GRM5: variants seen among roughly 807,000 people sequenced by gnomAD.
GRM5 encodes glutamate metabotropic receptor 5, also known as metabotropic glutamate receptor 5.
GRM5 carries 19 observed loss-of-function variants against 83.1 expected under a neutral mutation model. The ratio of observed to expected loss-of-function variants is 0.23; its 90% confidence interval spans 0.16 to 0.34. The LOEUF is 0.34. Among genes scored for constraint, GRM5 ranks in the 10% least tolerant of loss-of-function variants. The pLI, the probability that GRM5 is intolerant of heterozygous loss-of-function variation, is 1.00. For synonymous variants in GRM5, 675 were observed against 633.6 expected (o/e 1.07, Z -0.98); for missense variants, 1,160 against 1,588.3 (o/e 0.73, Z 4.58).
chr11:88,688,000 T>C (rs1171922902), intron 3 of GRM5, among the ~76,000 whole-genome samples: 3 of 152,160 alleles, frequency 2.0e-5, no homozygotes, highest in Non-Finnish European at 4.4e-5. Context: ...TCTTTTGCTT[T>C]CCTTCACTAC....
intron 3 of GRM5, among the ~76,000 whole-genome samples, chr11:88,728,055 GA>G (rs1379936029): frequency 6.6e-6 from 1 of 151,664 alleles, no homozygotes; most frequent in African/African-American, 2.4e-5. Flanking sequence ...ATAGAGACAT[GA>G]AAAACCCTTC....
chr11:88,964,212 T>C (rs567646815), intron 2 of GRM5, among the ~76,000 whole-genome samples: 16 of 152,170 alleles, frequency 1.1e-4, no homozygotes, highest in Non-Finnish European at 2.1e-4. Flanking sequence ...CAAGTGTTTT[T>C]AATTAAAAAT....
chr11:89,024,892 A>G (rs1941091517), intron 2 of GRM5, among the ~76,000 whole-genome samples: 1 of 152,186 alleles, frequency 6.6e-6, no homozygotes, highest in Non-Finnish European at 1.5e-5. Context: ...CTGTTAAACA[A>G]GTGAATATCT....
intron 8 of GRM5, among the ~76,000 whole-genome samples, chr11:88,542,442 C>A (rs1215502562): frequency 6.6e-6 from 1 of 152,142 alleles, no homozygotes; most frequent in Non-Finnish European, 1.5e-5. Context: ...GTAACAGGCA[C>A]TATACTCAGA....
intron 8 of GRM5, among the ~76,000 whole-genome samples, chr11:88,560,173 A>G (rs1174140988): frequency 1.3e-5 from 2 of 152,150 alleles, no homozygotes; most frequent in Non-Finnish European, 2.9e-5. Flanking sequence ...TATTATGCAA[A>G]AGAACTTTAT....
chr11:89,012,726 C>T (rs1165022126), intron 2 of GRM5, among the ~76,000 whole-genome samples: 1 of 152,130 alleles, frequency 6.6e-6, no homozygotes, highest in Non-Finnish European at 1.5e-5. Flanking sequence ...CCTACATTGA[C>T]CAAACATTAA....
chr11:88,735,263 T>A (rs1453798008), intron 3 of GRM5, among the ~76,000 whole-genome samples: 3 of 152,072 alleles, frequency 2.0e-5, no homozygotes, highest in Non-Finnish European at 4.4e-5. Flanking sequence ...ATATGAAATC[T>A]CTCAGCTTCT....
Position 88,567,795 on chromosome 11 carries a change from A to T in GRM5, c.1888T>A (p.Leu630Ile), listed in dbSNP as rs145801912. ...TTCGCAATGAGGCAGAAGGTACATA[A>T]GTAGCCCAGGCAGATGCCAGCAAGG... The part of the protein sequence containing the change: ...IILAGICLGY[L>I]CTFCLIAKPK... The change falls in exon 8 of 10, where the codon TTA (leucine) becomes ATA (isoleucine). Residue 630 changes from leucine to isoleucine, a missense_variant. By Grantham distance (5) the Leu-to-Ile change is conservative. Coordinates refer to ENST00000305447, the MANE Select transcript of GRM5 (RefSeq NM_001143831.3). The surrounding 1 kb of genome is among the most constrained non-coding windows in gnomAD (Gnocchi z 7.3). 1 of 1,614,016 alleles carries T rather than the reference A, an allele frequency of 6.2e-7. No individual in the cohort carries two copies. Among genetic ancestry groups the T allele is most frequent in the African/African-American group, 1.3e-5 (1 of 74,952 alleles).
intron 2 of GRM5, among the ~76,000 whole-genome samples, chr11:89,040,399 G>C (rs1183021784): frequency 2.0e-4 from 30 of 151,994 alleles, no homozygotes; most frequent in Admixed American, 2.0e-3. Flanking sequence ...AAGAGATGAG[G>C]AAAAATGATA....
intron 2 of GRM5, among the ~76,000 whole-genome samples, chr11:89,008,389 T>A (rs540264741): frequency 1.3e-5 from 2 of 152,278 alleles, no homozygotes; most frequent in African/African-American, 4.8e-5. Context: ...GTTATTTCTC[T>A]CCATTATATG....
intron 2 of GRM5, among the ~76,000 whole-genome samples, chr11:88,867,592 T>C (rs1440893097): frequency 2.0e-5 from 3 of 151,708 alleles, no homozygotes; most frequent in Non-Finnish European, 4.4e-5. Flanking sequence ...TACCTCAGAA[T>C]GTGACTGTGT....
intron 3 of GRM5, among the ~76,000 whole-genome samples, chr11:88,662,772 C>T (rs1183544613): frequency 6.6e-6 from 1 of 152,102 alleles, no homozygotes; most frequent in Non-Finnish European, 1.5e-5. Flanking sequence ...GGTGGTCTCT[C>T]AGAAATGAGT....
intron 3 of GRM5, among the ~76,000 whole-genome samples, chr11:88,680,298 T>C (rs892234446): frequency 6.6e-6 from 1 of 151,990 alleles, no homozygotes; most frequent in African/African-American, 2.4e-5. Context: ...AGTGTTATCA[T>C]TGTTCAATTC....
chr11:89,003,195 C>CCT (rs1418183946), intron 2 of GRM5, among the ~76,000 whole-genome samples: 5 of 152,154 alleles, frequency 3.3e-5, no homozygotes, highest in African/African-American at 1.2e-4. Context: ...TGCTACACAA[C>CCT]CCTTGCTCTC....
chr11:88,796,054 A>C (rs1943268603), intron 3 of GRM5, among the ~76,000 whole-genome samples: 1 of 152,212 alleles, frequency 6.6e-6, no homozygotes, highest in South Asian at 2.1e-4. Flanking sequence ...GGATATAATT[A>C]AATTGCCTAG....
intron 8 of GRM5, among the ~76,000 whole-genome samples, chr11:88,562,911 A>G (rs1017281793): frequency 6.6e-6 from 1 of 152,172 alleles, no homozygotes; most frequent in South Asian, 2.1e-4. Context: ...TAATGAAAGT[A>G]CACAATGTAT....
At chr11:88,721,741 T>C (rs1941545117) in intron 3 of GRM5, among the ~76,000 whole-genome samples, 1 of 152,104 alleles carries the variant, frequency 6.6e-6, no homozygotes, top group African/African-American at 2.4e-5. Flanking sequence ...ATGAAGTTTT[T>C]ATGCCTCTCA....
At chr11:88,835,887 T>A (rs1002070107) in intron 3 of GRM5, among the ~76,000 whole-genome samples, 1 of 152,234 alleles carries the variant, frequency 6.6e-6, no homozygotes, top group African/African-American at 2.4e-5. Flanking sequence ...TTGAACATTA[T>A]GTTCCAGGAT....
At chr11:88,677,909 C>T (rs1591434105) in intron 3 of GRM5, among the ~76,000 whole-genome samples, 1 of 151,862 alleles carries the variant, frequency 6.6e-6, no homozygotes, top group Non-Finnish European at 1.5e-5. Flanking sequence ...TTACTATATT[C>T]AGATAATTAG....
Sources: allele counts gnomAD v4.1 joint callset (sites outside exome capture counted in the v4.1 genomes callset), GRCh38; gene constraint gnomAD v4.1.1; non-coding constraint Gnocchi (gnomAD v3.1); transcripts MANE v1.5; gene names NCBI Gene and HGNC (gene_info 2026-07-23, HGNC 2026-07-21).